The following SNX29 variants were observed in gnomAD, a reference collection of about 807,000 sequenced individuals.
SNX29 encodes the protein sorting nexin 29.
A neutral mutation model predicts 102.1 loss-of-function variants in SNX29; 78 were observed. The observed-to-expected ratio is 0.76, with a 90% CI of 0.64 to 0.92. The LOEUF (loss-of-function observed/expected upper bound fraction) is 0.92. Among genes scored for constraint, SNX29 ranks in the 40% least tolerant of loss-of-function variants. The pLI, the probability that SNX29 is intolerant of heterozygous loss-of-function variation, is 0.00. For synonymous variants in SNX29, 580 were observed against 414.5 expected (o/e 1.40, Z -4.85); for missense variants, 1,280 against 1,061.7 (o/e 1.21, Z -2.86).
At chr16:12,565,821 G>C (rs1273515127) in intron 20 of SNX29, among the ~76,000 whole-genome samples, 1 of 152,030 alleles carries the variant, frequency 6.6e-6, no homozygotes, top group African/African-American at 2.4e-5. Context: ...GCTCACTTCT[G>C]GTCACCCTCC....
chr16:12,354,092 G>C (rs1198484317), intron 15 of SNX29, among the ~76,000 whole-genome samples: 1 of 152,160 alleles, frequency 6.6e-6, no homozygotes, highest in Non-Finnish European at 1.5e-5. Flanking sequence ...TCTCTTCTGA[G>C]GCTCTTTCTG....
intron 4 of SNX29, among the ~76,000 whole-genome samples, chr16:12,040,632 G>C (rs908876309): frequency 2.6e-5 from 4 of 152,222 alleles, no homozygotes; most frequent in African/African-American, 9.6e-5. Flanking sequence ...TTACTGTACA[G>C]AGGGAAAGTT....
At chr16:12,514,025 T>G in intron 19 of SNX29, among the ~76,000 whole-genome samples, 1 of 152,206 alleles carries the variant, frequency 6.6e-6, no homozygotes, top group Non-Finnish European at 1.5e-5. Context: ...AGTTCACAGG[T>G]TGGCATGGAT....
chr16:12,240,485 A>G (rs781176018), intron 14 of SNX29, among the ~76,000 whole-genome samples: 2 of 150,622 alleles, frequency 1.3e-5, no homozygotes, highest in African/African-American at 2.4e-5. Context: ...TATTGAGTCT[A>G]TAACGATCTT....
chr16:12,558,531 C>T (rs549075144), intron 20 of SNX29, among the ~76,000 whole-genome samples: 2 of 152,350 alleles, frequency 1.3e-5, no homozygotes, highest in Admixed American at 1.3e-4. Context: ...CAGGGATGCA[C>T]ACACCCCACA....
At chr16:12,019,188 G>C (rs1489214064) in intron 3 of SNX29, among the ~76,000 whole-genome samples, 1 of 152,108 alleles carries the variant, frequency 6.6e-6, no homozygotes, top group Admixed American at 6.6e-5. Flanking sequence ...AAGTATGAAA[G>C]CAAGAAAACC....
chr16:12,554,622 C>G (rs1347265879), intron 20 of SNX29, among the ~76,000 whole-genome samples: 1 of 152,200 alleles, frequency 6.6e-6, no homozygotes, highest in Admixed American at 6.5e-5. Flanking sequence ...TCACACATAC[C>G]TGCCTCAGTT....
chr16:12,408,157 C>CAAAAA (rs1555530421), intron 18 of SNX29, among the ~76,000 whole-genome samples: 17 of 142,970 alleles, frequency 1.2e-4, no homozygotes, highest in African/African-American at 2.5e-4. Context: ...GGACCCTTCT[C>CAAAAA]AAAAAAACAA....
intron 18 of SNX29, among the ~76,000 whole-genome samples, chr16:12,415,572 G>A (rs2084595946): frequency 6.6e-6 from 1 of 152,108 alleles, no homozygotes; most frequent in Non-Finnish European, 1.5e-5. Flanking sequence ...GATGTCTTGG[G>A]GTCCTGCACT....
chr16:12,544,988 C>T (rs1008113660), intron 20 of SNX29, among the ~76,000 whole-genome samples: 17 of 152,182 alleles, frequency 1.1e-4, no homozygotes, highest in Admixed American at 5.2e-4. Flanking sequence ...GTAACTTGTC[C>T]TAGGTGGCAC....
chr16:12,342,753 A>G lies in SNX29; in HGVS notation c.1783-13410A>G, dbSNP rs1189799716. Among the ~76,000 whole-genome samples, 18 of 152,194 alleles carry G rather than the reference A, an allele frequency of 1.2e-4. 1 individual carries two copies. Among genetic ancestry groups the G allele is most frequent in the Admixed American group, 1.1e-3 (17 of 15,288 alleles). Reference sequence around the variant, plus strand: ...TTTACCCAAGGTCACCCAGCAAGTTACTGGCAGACTGGGACAGAATCCTGG... The same window carrying G: ...TTTACCCAAGGTCACCCAGCAAGTTGCTGGCAGACTGGGACAGAATCCTGG... On this transcript the variant is annotated intron_variant, in intron 15 of 20. Coordinates refer to ENST00000566228, the MANE Select transcript of SNX29 (RefSeq NM_032167.5).
chr16:12,492,212 G>C (rs1001126272), intron 19 of SNX29, among the ~76,000 whole-genome samples: 9 of 152,164 alleles, frequency 5.9e-5, no homozygotes, highest in Non-Finnish European at 1.0e-4. Flanking sequence ...ACTTTTTAAT[G>C]ATCGCCATTC....
At chr16:12,538,669 C>G (rs372265315) in intron 20 of SNX29, among the ~76,000 whole-genome samples, 4 of 152,158 alleles carry the variant, frequency 2.6e-5, no homozygotes, top group Admixed American at 2.0e-4. Flanking sequence ...ATCCACAGAT[C>G]TTTCATCCTC....
At position 12,572,775 on chromosome 16, in the gene SNX29, C is replaced by CCA. The variant is rs1194660399; in HGVS notation, c.*4148_*4149dup. ...CAGCTTCTGGGACCCGAGGAAGACC[C>CCA]CACCTCACTCCTCCTTCCCCAGTAC... On this transcript the variant is annotated 3_prime_UTR_variant, in exon 21 of 21. Coordinates refer to ENST00000566228, the MANE Select transcript of SNX29 (RefSeq NM_032167.5). The CCA allele has an allele frequency of 8.5e-6, 9 of 1,063,670 alleles. No individual in the cohort carries two copies. The highest frequency in any genetic ancestry group is 3.3e-5 in the African/African-American group (2 of 61,004). The allele number at this position is 1,063,670 out of a possible 1,614,324, so 65.9% of individuals were successfully genotyped here. A position where few individuals can be genotyped will look rare whatever the true frequency, so the allele number is the denominator to read the frequency against.
At chr16:12,004,637 T>A (rs1338209189) in intron 3 of SNX29, among the ~76,000 whole-genome samples, 1 of 152,066 alleles carries the variant, frequency 6.6e-6, no homozygotes, top group Admixed American at 6.6e-5. Context: ...TCCCCCACCC[T>A]CTCACCCTAG....
chr16:12,269,828 T>C (rs2079037292), intron 14 of SNX29, among the ~76,000 whole-genome samples: 1 of 140,512 alleles, frequency 7.1e-6, no homozygotes, highest in African/African-American at 2.7e-5. Context: ...ATCATCATCA[T>C]CATCATCACC....
chr16:12,464,483 C>T (rs952420670), intron 18 of SNX29, among the ~76,000 whole-genome samples: 1 of 152,054 alleles, frequency 6.6e-6, no homozygotes, highest in Non-Finnish European at 1.5e-5. Context: ...GACAGGGTCT[C>T]AGCTCTGACA....
At chr16:12,513,505 C>G (rs2089728120) in intron 19 of SNX29, among the ~76,000 whole-genome samples, 1 of 152,022 alleles carries the variant, frequency 6.6e-6, no homozygotes, top group African/African-American at 2.4e-5. Context: ...CAGCTAAAGA[C>G]TTCATCTCTC....
chr16:12,238,203 G>T (rs1340268281), intron 14 of SNX29, among the ~76,000 whole-genome samples: 1 of 151,182 alleles, frequency 6.6e-6, no homozygotes, highest in African/African-American at 2.4e-5. Flanking sequence ...TGTAACAGTT[G>T]TAAAAAAAAA....
Sources: allele counts gnomAD v4.1 joint callset (sites outside exome capture counted in the v4.1 genomes callset), GRCh38; gene constraint gnomAD v4.1.1; transcripts MANE v1.5; gene names NCBI Gene and HGNC (gene_info 2026-07-23, HGNC 2026-07-21).